Variants in ZZEF1 observed in about 807,000 individuals in gnomAD.
ZZEF1 encodes zinc finger ZZ-type and EF-hand domain containing 1.
A neutral mutation model predicts 342.8 loss-of-function variants in ZZEF1; 157 were observed. The ratio of observed to expected loss-of-function variants is 0.46; its 90% CI spans 0.40 to 0.52. The LOEUF is 0.52. Among genes scored for constraint, ZZEF1 ranks in the 20% least tolerant of loss-of-function variants. The pLI is 0.00. For synonymous variants in ZZEF1, 1,505 were observed against 1,429.1 expected, an observed-to-expected ratio of 1.05 and a Z score of -1.20; for missense variants, 3,480 against 3,725.6, an observed-to-expected ratio of 0.93 and a Z score of 1.72.
intron 31 of ZZEF1, among the ~76,000 whole-genome samples, chr17:4,058,385 A>C (rs575957494): frequency 5.2e-4 from 79 of 152,348 alleles, no homozygotes; most frequent in Admixed American, 1.2e-3. Context: ...GGACCACCAC[A>C]GGGGTATCTT....
At chr17:4,127,616 T>C (rs1234903887) in intron 1 of ZZEF1, among the ~76,000 whole-genome samples, 1 of 152,108 alleles carries the variant, frequency 6.6e-6, no homozygotes, top group Non-Finnish European at 1.5e-5. Flanking sequence ...CCCTTCCCAA[T>C]CTTGGCAGAA....
chr17:4,107,264 C>G (rs901805016), intron 6 of ZZEF1, among the ~76,000 whole-genome samples: 7 of 152,138 alleles, frequency 4.6e-5, no homozygotes, highest in South Asian at 2.1e-4. Flanking sequence ...AGCAGGGACA[C>G]AGACTTTAAA....
chr17:4,094,900 T>A (rs773041108), intron 11 of ZZEF1, among the ~76,000 whole-genome samples: 2 of 152,144 alleles, frequency 1.3e-5, no homozygotes, highest in Non-Finnish European at 2.9e-5. Context: ...AGACTTGCTC[T>A]CCTCCAGTCC....
Position 4,109,878 on chromosome 17 carries a change from C to G in ZZEF1, c.1067-15G>C. The G allele has an allele frequency of 6.2e-7, 1 of 1,613,376 alleles. No individual in the cohort carries two copies. Among genetic ancestry groups the G allele is most frequent in the Non-Finnish European group, 8.5e-7 (1 of 1,179,770 alleles). ...AATCTGGACATCTGTCGAGCACAAA[C>G]AAAAAATTCAGTATTGGATTAACTT... On this transcript the variant is annotated splice_polypyrimidine_tract_variant and intron_variant, in intron 5 of 54. Transcript: ENST00000381638.
At chr17:4,139,451 C>A (rs1422126440) in intron 1 of ZZEF1, among the ~76,000 whole-genome samples, 1 of 152,212 alleles carries the variant, frequency 6.6e-6, no homozygotes, top group Non-Finnish European at 1.5e-5. Context: ...TTAGTTGCTA[C>A]TATAAAGACA....
chr17:4,141,655 T>C (rs780982304), intron 1 of ZZEF1, among the ~76,000 whole-genome samples: 4 of 151,826 alleles, frequency 2.6e-5, no homozygotes, highest in Non-Finnish European at 5.9e-5. Context: ...TTTACCTATG[T>C]AATACATCTG....
Position 4,009,739 on chromosome 17 carries a change from C to T in ZZEF1, c.8598G>A (p.Ala2866=), listed in dbSNP as rs369864489. ...CCGHSDLCDL[A]LLKPLWQLFT... is the part of the protein sequence containing the mutation. ...AGAGCTGCCACAGGGGCTTCAACAG[C>T]GCAAGGTCACACAGGTCACTGCAGG... is the stretch of plus-strand genomic sequence containing the variant. Residue 2866 remains alanine (A), a synonymous_variant, in exon 53 of 55, where the codon GCG becomes GCA. Transcript: ENST00000381638. The T allele has an allele frequency of 6.6e-5, 106 of 1,614,026 alleles. No individual in the cohort carries two copies. In the Middle Eastern group the frequency reaches 6.6e-4, roughly 10 times the overall value.
chr17:4,010,724 C>CAAAAAA lies in ZZEF1; in HGVS notation c.8580-973_8580-968dup, dbSNP rs58349682. ...CAAGTGACAGTGTGAGATTCCGTCTCAAAAAAAAAAAGAAAAAGAAAAAAG... is the reference window on the plus strand; with the variant it reads ...CAAGTGACAGTGTGAGATTCCGTCTCAAAAAAAAAAAAAAAAAGAAAAAGAAAAAAG... On this transcript the variant is annotated intron_variant, in intron 52 of 54. Transcript: ENST00000381638. Among the ~76,000 whole-genome samples the CAAAAAA allele has an allele frequency of 3.4e-3, 287 of 85,246 alleles. 22 individuals carry two copies. The highest frequency in any genetic ancestry group is 7.7e-3 in the Middle Eastern group (1 of 130). The allele number at this position is 85,246 out of a possible 152,430, so 55.9% of individuals were successfully genotyped here.
At chr17:4,102,181 A>G in intron 9 of ZZEF1, 136 bp downstream of exon 9, 1 of 696,800 alleles carries the variant, frequency 1.4e-6, no homozygotes, top group East Asian at 2.7e-5. Flanking sequence ...CAAATTGCTC[A>G]GCAACCACTG....
intron 35 of ZZEF1, 85 bp from the exon 36 acceptor site, chr17:4,051,128 A>C: frequency 6.3e-7 from 1 of 1,593,224 alleles, no homozygotes; most frequent in South Asian, 1.1e-5. Context: ...TTAGGAGAGC[A>C]TGTGGTCGCA....
rs528728554 is a variant in ZZEF1 at position 4,049,769 on chromosome 17, G to A, written c.5954C>T (p.Ala1985Val). The change falls in exon 37 of 55, where the codon GCG becomes GTG. Residue 1985 changes from alanine (A) to valine (V), a missense_variant. Ala to Val is a moderately conservative substitution (Grantham distance 64, BLOSUM62 0). Transcript: ENST00000381638. ...TTTCTTCTCTAGCTGCTCCTCTGAC[G>A]CTCCGGTGGGCACAGTGACTGGTAG... ...QALPVTVPTG[A>V]SEEQLEKKAV... The A allele has an allele frequency of 3.2e-5, 51 of 1,614,126 alleles. No individual in the cohort carries two copies. Among genetic ancestry groups the A allele is most frequent in the South Asian group, 1.5e-4 (14 of 91,076 alleles).
intron 1 of ZZEF1, among the ~76,000 whole-genome samples, chr17:4,132,683 T>A (rs1172710984): frequency 7.3e-6 from 1 of 136,862 alleles, no homozygotes; most frequent in Non-Finnish European, 1.6e-5. Flanking sequence ...ATACAAAAAA[T>A]TAGCCGGGTG....
chr17:4,100,601 C>T (rs996707092), intron 9 of ZZEF1, among the ~76,000 whole-genome samples: 4 of 152,110 alleles, frequency 2.6e-5, no homozygotes, highest in African/African-American at 9.7e-5. Context: ...CACATCCAGC[C>T]GGGCACGGTG....
chr17:4,014,362 C>A lies in ZZEF1; in HGVS notation c.8299G>T (p.Asp2767Tyr). 6.2e-7 allele frequency: 1 copy of A among 1,614,234 alleles called. No homozygotes were observed. Among genetic ancestry groups the A allele is most frequent in the Non-Finnish European group, 8.5e-7 (1 of 1,180,044 alleles). ...SFSGSQQKWKDFELPGDTLYY... is the reference protein window; with the variant it reads ...SFSGSQQKWKYFELPGDTLYY... ...GTTTCACTACCTGGAAGTTCAAAAT[C>A]TTTCCACTTCTGCTGAGACCCGCTG... is the stretch of plus-strand genomic sequence containing the variant. The change falls in exon 50 of 55, where the codon GAT becomes TAT. Residue 2767 changes from aspartate (D) to tyrosine (Y), a missense_variant. Coordinates refer to ENST00000381638, the MANE Select transcript of ZZEF1 (RefSeq NM_015113.4). This position sits in a 1 kb window ranked among gnomAD's most constrained non-coding sequence, Gnocchi z 4.4.
chr17:4,138,139 T>C (rs984361697), intron 1 of ZZEF1, among the ~76,000 whole-genome samples: 5 of 152,170 alleles, frequency 3.3e-5, no homozygotes, highest in African/African-American at 9.7e-5. Context: ...CAAATACATA[T>C]TTGGTCCCTT....
intron 24 of ZZEF1, 176 bp from the exon 25 acceptor site, chr17:4,072,932 C>T (rs1027419025): frequency 1.6e-5 from 9 of 571,378 alleles, no homozygotes; most frequent in African/African-American, 3.9e-5. Context: ...ACAGATTAAG[C>T]TAAACCACCA....
At chr17:4,134,361 T>C (rs1031517175) in intron 1 of ZZEF1, among the ~76,000 whole-genome samples, 2 of 146,778 alleles carry the variant, frequency 1.4e-5, no homozygotes, top group Non-Finnish European at 3.0e-5. Flanking sequence ...TTTATATATA[T>C]ATATTTATAT....
At chr17:4,040,637 GAC>G (rs1302159591) in intron 39 of ZZEF1, among the ~76,000 whole-genome samples, 2 of 152,204 alleles carry the variant, frequency 1.3e-5, no homozygotes, top group African/African-American at 2.4e-5. Context: ...TAAGAAATAT[GAC>G]ACAGACTTCA....
intron 12 of ZZEF1, among the ~76,000 whole-genome samples, chr17:4,089,511 A>AT (rs2057904717): frequency 2.0e-5 from 3 of 152,276 alleles, no homozygotes; most frequent in Non-Finnish European, 2.9e-5. Flanking sequence ...AAGGTTTAGC[A>AT]AAAAATTAAG....
Sources: allele counts gnomAD v4.1 joint callset (sites outside exome capture counted in the v4.1 genomes callset), GRCh38; gene constraint gnomAD v4.1.1; non-coding constraint Gnocchi (gnomAD v3.1); transcripts MANE v1.5; gene names NCBI Gene and HGNC (gene_info 2026-07-23, HGNC 2026-07-21).